EPS8: variants seen among roughly 807,000 people sequenced by gnomAD.
EPS8 encodes the protein EGFR pathway substrate 8, signaling adaptor.
Under a neutral mutation model 103.8 loss-of-function variants are expected in EPS8, and 42 were observed. That is an observed-to-expected ratio of 0.40 (90% CI 0.32 to 0.52). The LOEUF is 0.52. Ranked by LOEUF, EPS8 falls within the 20% of genes least tolerant of loss-of-function variation. The pLI is 0.40. For missense variants in EPS8, 969 were observed against 1,005.1 expected (o/e 0.96, Z 0.49); for synonymous variants, 344 against 344.6 (o/e 1.00, Z 0.02).
chr12:15,679,005 T>G (rs1277681807), intron 3 of EPS8, among the ~76,000 whole-genome samples: 1 of 151,770 alleles, frequency 6.6e-6, no homozygotes, highest in African/African-American at 2.4e-5. Context: ...AACATTAAAA[T>G]TTACAGGTGA....
chr12:15,786,050 G>A (rs1947307646), intron 1 of EPS8, among the ~76,000 whole-genome samples: 1 of 151,818 alleles, frequency 6.6e-6, no homozygotes, highest in Admixed American at 6.6e-5. Context: ...TACCATCAAA[G>A]GGGGAAGCAT....
chr12:15,653,149 T>C (rs1945443724), intron 13 of EPS8, among the ~76,000 whole-genome samples: 1 of 152,208 alleles, frequency 6.6e-6, no homozygotes, highest in Non-Finnish European at 1.5e-5. Context: ...ACTGTGACTC[T>C]CTAGTCCTGA....
At chr12:15,765,459 A>AAAAT (rs1294156393) in intron 1 of EPS8, among the ~76,000 whole-genome samples, 1 of 152,190 alleles carries the variant, frequency 6.6e-6, no homozygotes, top group East Asian at 1.9e-4. Flanking sequence ...GCTGAGGGCA[A>AAAAT]AAATAAATAA....
At position 15,654,148 on chromosome 12, in the gene EPS8, G is replaced by T. The variant is rs144502062; in HGVS notation, c.1247C>A (p.Ala416Asp). The T allele has an allele frequency of 2.2e-5, 36 of 1,613,274 alleles. No homozygotes were observed. The highest frequency in any genetic ancestry group is 2.8e-5 in the Non-Finnish European group (33 of 1,179,502). ...WMSLGGTWMK[A>D]RAEWPKEQFI... is the part of the protein sequence containing the mutation. ...ATTATAGGTGGTAAATGCTTACCTG[G>T]CTTTCATCCAAGTTCCTCCCAATGA... Residue 416 changes from alanine (A) to aspartate (D), a missense_variant, in exon 13 of 21, where the codon GCC becomes GAC. Coordinates refer to ENST00000281172, the MANE Select transcript of EPS8 (RefSeq NM_004447.6).
At chr12:15,732,246 G>T (rs544349580) in intron 1 of EPS8, among the ~76,000 whole-genome samples, 9 of 152,260 alleles carry the variant, frequency 5.9e-5, no homozygotes, top group African/African-American at 1.9e-4. Context: ...AATTTGTCAA[G>T]GTGATCTACT....
chr12:15,624,264 C>A lies in EPS8; in HGVS notation c.2188G>T (p.Val730Leu), dbSNP rs1032878797. 2 of 1,613,864 alleles carry A rather than the reference C, an allele frequency of 1.2e-6. No individual in the cohort carries two copies. The highest frequency in any genetic ancestry group is 1.7e-6 in the Non-Finnish European group (2 of 1,179,940). ...NITYDSTPED[V>L]KTWLQSKGFN... The stretch of plus-strand genomic sequence containing the variant: ...CCCTTTGACTGTAACCACGTCTTCA[C>A]ATCCTCTGGTGTGGAGTCGTAAGTG... Residue 730 changes from valine to leucine, a missense_variant, in exon 19 of 21, where the codon GTG becomes TTG. Transcript: ENST00000281172.
rs986722554 is a variant in EPS8 at position 15,738,379 on chromosome 12, A to C, written c.-22+50782T>G. ...CTATTCACCTAAGTTGTGAAGATAA[A>C]GGATAAATAATATTGTTAGGAAAAT... On this transcript the variant is annotated intron_variant, in intron 1 of 20. Transcript: ENST00000281172. The surrounding 1 kb of genome is among the most constrained non-coding windows in gnomAD (Gnocchi z 6.2). 1.3e-5 allele frequency among the ~76,000 whole-genome samples: 2 copies of C among 152,186 alleles called. No individual in the cohort carries two copies. Among genetic ancestry groups the C allele is most frequent in the African/African-American group, 4.8e-5 (2 of 41,448 alleles).
At chr12:15,710,799 A>AT (rs1487720954) in intron 1 of EPS8, among the ~76,000 whole-genome samples, 1 of 152,140 alleles carries the variant, frequency 6.6e-6, no homozygotes, top group East Asian at 1.9e-4. Context: ...GATCAAAAAG[A>AT]CTACATGATA....
Position 15,647,183 on chromosome 12 carries a change from C to T in EPS8, c.1512G>A (p.Leu504=), listed in dbSNP as rs374806502. 4 of 1,613,888 alleles carry T rather than the reference C, an allele frequency of 2.5e-6. No homozygotes were observed. The African/African-American group carries it at 5.3e-5, about 22-fold the overall frequency. The change falls in exon 15 of 21, where the codon CTG becomes CTA. Residue 504 remains leucine (L), a synonymous_variant. Transcript: ENST00000281172. ...AAGCAACAGCAGCTTCCCCTTGGTC[C>T]AGGTGGGATCCTCTTGTGTAAATGT... ...SSNIYTRGSH[L]DQGEAAVAFK...
chr12:15,774,561 CAT>C (rs113650528), intron 1 of EPS8, among the ~76,000 whole-genome samples: 10,228 of 145,142 alleles, frequency 0.07, 1,145 homozygotes, highest in African/African-American at 0.24. Flanking sequence ...TATACATATA[CAT>C]ATATATATAT....
rs888576581 is a variant in EPS8, at chr12:15,676,259, C to CAA, written c.136+4965_136+4966dup. On this transcript the variant is annotated intron_variant, in intron 3 of 20. Transcript: ENST00000281172. ...TGGGCGACAGGGCAAGACTCCATCT[C>CAA]AAAAAAAAAAAAAAAAAAAAAAAAA... is the stretch of plus-strand genomic sequence containing the variant. Among the ~76,000 whole-genome samples the CAA allele has an allele frequency of 2.3e-3, 37 of 16,304 alleles. No individual in the cohort carries two copies. The East Asian group carries it at 0.029, about 13-fold the overall frequency. The allele number at this position is 16,304 out of a possible 152,430, so 10.7% of individuals were successfully genotyped here. A position where few individuals can be genotyped will look rare whatever the true frequency, so the allele number is the denominator to read the frequency against.
intron 3 of EPS8, among the ~76,000 whole-genome samples, chr12:15,679,476 A>G (rs1490964061): frequency 6.6e-6 from 1 of 152,212 alleles, no homozygotes; most frequent in South Asian, 2.1e-4. Context: ...CTATGCCAGT[A>G]AGCACAGGGA....
Position 15,764,226 on chromosome 12 carries a change from G to C in EPS8, c.-22+24935C>G, listed in dbSNP as rs2136034675. ...TCGTGAGACTTATTCACTGTCACAA[G>C]AACAGCACCACGGGAAAGACCCACC... On this transcript the variant is annotated intron_variant, in intron 1 of 20. Transcript: ENST00000281172. The surrounding 1 kb of genome is among the most constrained non-coding windows in gnomAD (Gnocchi z 4.1). Among the ~76,000 whole-genome samples, 1 of 152,234 alleles carries C rather than the reference G, an allele frequency of 6.6e-6. No homozygotes were observed. The highest frequency in any genetic ancestry group is 2.1e-4 in the South Asian group (1 of 4,816).
intron 18 of EPS8, among the ~76,000 whole-genome samples, chr12:15,626,627 C>CA (rs771173535): frequency 0.045 from 2,724 of 60,954 alleles, 68 homozygotes; most frequent in Non-Finnish European, 0.076. Flanking sequence ...GACTCCGTCT[C>CA]AAAAAAAAAA....
Position 15,704,240 on chromosome 12 carries a change from A to G in EPS8, c.-21-21268T>C, listed in dbSNP as rs1946354230. Among the ~76,000 whole-genome samples the G allele has an allele frequency of 6.6e-6, 1 of 152,190 alleles. No homozygotes were observed. The highest frequency in any genetic ancestry group is 2.1e-4 in the South Asian group (1 of 4,834). On this transcript the variant is annotated intron_variant, in intron 1 of 20. Transcript: ENST00000281172. This position sits in a 1 kb window ranked among gnomAD's most constrained non-coding sequence, Gnocchi z 4.6. The stretch of plus-strand genomic sequence containing the variant: ...AGTTCTTCTTCTGGGTGTATACCCA[A>G]AAGAACTGAAAGTAGAGACTAGATA...
intron 15 of EPS8, among the ~76,000 whole-genome samples, chr12:15,646,536 C>T (rs2135773143): frequency 6.6e-6 from 1 of 152,062 alleles, no homozygotes; most frequent in East Asian, 1.9e-4. Flanking sequence ...ATTCCAGTTC[C>T]TTTATTTCTT....
At chr12:15,622,775 T>C (rs1014737006) in intron 20 of EPS8, among the ~76,000 whole-genome samples, 1 of 150,514 alleles carries the variant, frequency 6.6e-6, no homozygotes, top group African/African-American at 2.5e-5. Context: ...CTATACGTTA[T>C]TAGAATCTCC....
At chr12:15,634,603 CT>C in intron 17 of EPS8, 1 of 394,372 alleles carries the variant, frequency 2.5e-6, no homozygotes, top group Non-Finnish European at 4.5e-6. Flanking sequence ...CACATTTTTC[CT>C]CTAAATTTGG....
intron 1 of EPS8, among the ~76,000 whole-genome samples, chr12:15,774,644 CATAT>C (rs1483817888): frequency 1.4e-5 from 2 of 146,398 alleles, no homozygotes; most frequent in East Asian, 3.9e-4. Flanking sequence ...TACATACATA[CATAT>C]AAAATATATA....
Sources: gnomAD v4.1 joint callset for allele counts (sites outside exome capture counted in the v4.1 genomes callset) on GRCh38, gnomAD v4.1.1 for gene constraint, Gnocchi (gnomAD v3.1) non-coding constraint, MANE v1.5 for transcripts, NCBI Gene and HGNC (gene_info 2026-07-23, HGNC 2026-07-21) for gene names.